RARB: variants seen among roughly 807,000 people sequenced by gnomAD.
The protein encoded by RARB is retinoic acid receptor beta.
RARB carries 17 observed loss-of-function variants against 51.9 expected under a neutral mutation model. That is an observed-to-expected ratio of 0.33 (90% CI 0.22 to 0.49). The LOEUF (loss-of-function observed/expected upper bound fraction) is 0.49, where lower values mean the gene tolerates loss of function less well. Ranked by LOEUF, RARB falls within the 20% of genes least tolerant of loss-of-function variation. The pLI, the probability that RARB is intolerant of heterozygous loss-of-function variation, is 0.99. For missense variants in RARB, 369 were observed against 550.8 expected (o/e 0.67, Z 3.30); for synonymous variants, 215 against 195.4 (o/e 1.10, Z -0.84).
At chr3:25,115,566 C>T (rs533100120) in intron 3 of RARB, among the ~76,000 whole-genome samples, 62 of 151,240 alleles carry the variant, frequency 4.1e-4, no homozygotes, top group Non-Finnish European at 7.7e-4. Flanking sequence ...TTCTCCCCTC[C>T]CCTCCTCTCC....
At chr3:24,862,377 A>T (rs1263591281) in intron 2 of RARB, among the ~76,000 whole-genome samples, 4 of 152,170 alleles carry the variant, frequency 2.6e-5, no homozygotes, top group Non-Finnish European at 2.9e-5. Context: ...TTCCAAGATT[A>T]CCTGGTGAGG....
chr3:25,596,271 C>T (rs1181379049), intron 7 of RARB, 149 bp from the exon 8 acceptor site: 1 of 619,418 alleles, frequency 1.6e-6, no homozygotes, highest in Non-Finnish European at 2.8e-6. Context: ...TCTTTTTCAA[C>T]AAAAAGCCAC....
intron 5 of RARB, among the ~76,000 whole-genome samples, chr3:25,332,879 A>G (rs1024000400): frequency 2.0e-5 from 3 of 152,208 alleles, no homozygotes; most frequent in Non-Finnish European, 4.4e-5. Flanking sequence ...CTATACACCA[A>G]TAACAAACAA....
chr3:25,364,975 A>G (rs1182825700), intron 5 of RARB, among the ~76,000 whole-genome samples: 1 of 152,044 alleles, frequency 6.6e-6, no homozygotes, highest in Non-Finnish European at 1.5e-5. Context: ...CTAGAATCTG[A>G]TTACTATTAG....
chr3:25,355,109 AAAT>A (rs549009131), intron 5 of RARB, among the ~76,000 whole-genome samples: 16 of 152,244 alleles, frequency 1.1e-4, no homozygotes, highest in Non-Finnish European at 2.2e-4. Context: ...CAGGAAAATT[AAAT>A]AATATTTGTA....
intron 5 of RARB, among the ~76,000 whole-genome samples, chr3:25,211,931 A>G (rs1229581757): frequency 6.6e-6 from 1 of 152,134 alleles, no homozygotes; most frequent in African/African-American, 2.4e-5. Flanking sequence ...TGCATATACA[A>G]CTTTATTTCC....
chr3:25,202,221 T>C (rs1228551505), intron 5 of RARB, among the ~76,000 whole-genome samples: 2 of 152,350 alleles, frequency 1.3e-5, no homozygotes, highest in African/African-American at 4.8e-5. Flanking sequence ...TTTATTTGCG[T>C]AGAGGTGTTT....
chr3:25,474,417 C>T (rs1038976492), intron 2 of RARB, among the ~76,000 whole-genome samples: 2 of 152,164 alleles, frequency 1.3e-5, no homozygotes, highest in Non-Finnish European at 2.9e-5. Flanking sequence ...TGTCATTCCT[C>T]ATTAACATAA....
At chr3:25,329,834 C>G (rs1198549732) in intron 5 of RARB, among the ~76,000 whole-genome samples, 1 of 152,042 alleles carries the variant, frequency 6.6e-6, no homozygotes, top group Non-Finnish European at 1.5e-5. Context: ...CCTGATGGAG[C>G]TAAAAACCAT....
At chr3:25,481,467 G>C (rs1696222292) in intron 2 of RARB, among the ~76,000 whole-genome samples, 1 of 152,194 alleles carries the variant, frequency 6.6e-6, no homozygotes, top group African/African-American at 2.4e-5. Context: ...TAGCCCAGAA[G>C]CTAGTCCAGA....
intron 5 of RARB, among the ~76,000 whole-genome samples, chr3:25,416,615 A>T (rs1290388579): frequency 2.6e-5 from 4 of 152,236 alleles, no homozygotes; most frequent in Non-Finnish European, 4.4e-5. Flanking sequence ...AGTTGCCACT[A>T]CGATCACGCA....
intron 2 of RARB, among the ~76,000 whole-genome samples, chr3:25,478,072 C>T (rs1247692458): frequency 6.6e-6 from 1 of 152,148 alleles, no homozygotes; most frequent in Non-Finnish European, 1.5e-5. Flanking sequence ...AGTTGTCAGA[C>T]CTATTACATG....
chr3:25,294,210 G>A (rs944840000), intron 5 of RARB, among the ~76,000 whole-genome samples: 1 of 152,180 alleles, frequency 6.6e-6, no homozygotes, highest in Admixed American at 6.5e-5. Flanking sequence ...TGTTGATTAT[G>A]TTGTCATTCG....
intron 4 of RARB, among the ~76,000 whole-genome samples, chr3:25,146,816 G>C (rs1466419183): frequency 3.3e-5 from 5 of 152,102 alleles, no homozygotes; most frequent in Admixed American, 1.3e-4. Flanking sequence ...ACGGCGCCCG[G>C]CATTTGCTAA....
At chr3:25,356,624 C>G (rs111560135) in intron 5 of RARB, among the ~76,000 whole-genome samples, 4,276 of 152,094 alleles carry the variant, frequency 0.028, 228 homozygotes, top group African/African-American at 0.097. Context: ...ATCAACCCAT[C>G]ATCTACATTA....
chr3:24,994,109 T>C (rs1288261606), intron 2 of RARB, among the ~76,000 whole-genome samples: 1 of 152,218 alleles, frequency 6.6e-6, no homozygotes, highest in Admixed American at 6.5e-5. Flanking sequence ...TGTACTAGTT[T>C]ACATTCCCAC....
At chr3:25,023,606 T>C (rs893863788) in intron 2 of RARB, among the ~76,000 whole-genome samples, 1 of 152,162 alleles carries the variant, frequency 6.6e-6, no homozygotes, top group Non-Finnish European at 1.5e-5. Flanking sequence ...ATTTTCAGTC[T>C]CTGGGTCACT....
Position 25,428,268 on chromosome 3 carries a change from A to G in RARB, c.-464A>G. ...AATTCAATCTTTCATTCTGTGTGAC[A>G]GAAGTAGTAGGAAGTGAGCTGTTCA... On this transcript the variant is annotated 5_prime_UTR_variant, in exon 1 of 8. Coordinates refer to ENST00000330688, the MANE Select transcript of RARB (RefSeq NM_000965.5). 2 of 1,233,462 alleles carry G rather than the reference A, an allele frequency of 1.6e-6. No individual in the cohort carries two copies. The highest frequency in any genetic ancestry group is 2.0e-6 in the Non-Finnish European group (2 of 989,126). The allele number at this position is 1,233,462 out of a possible 1,614,324, so 76.4% of individuals were successfully genotyped here.
At position 25,130,704 on chromosome 3, in the gene RARB, G is replaced by C. The variant is rs969485764; in HGVS notation, c.-327-1457G>C. Among the ~76,000 whole-genome samples the C allele has an allele frequency of 7.3e-5, 11 of 151,710 alleles. No individual in the cohort carries two copies. In the Admixed American group the frequency reaches 7.3e-4, roughly 10 times the overall value. On this transcript the variant is annotated intron_variant, in intron 3 of 11. Coordinates refer to the RARB transcript ENST00000383772. ...CATTGTGTCACTTTTTATAGTTACT[G>C]GTATGAATGTCTTGCAGGAAATTCT...
Sources: gnomAD v4.1 joint callset for allele counts (sites outside exome capture counted in the v4.1 genomes callset) on GRCh38, gnomAD v4.1.1 for gene constraint, MANE v1.5 for transcripts, NCBI Gene and HGNC (gene_info 2026-07-23, HGNC 2026-07-21) for gene names.